The following KAT2B variants were observed in gnomAD, a reference collection of about 807,000 sequenced individuals.
The protein encoded by KAT2B is lysine acetyltransferase 2B, also known as histone acetyltransferase KAT2B.
Under a neutral mutation model 105.9 loss-of-function variants are expected in KAT2B, and 36 were observed. The ratio of observed to expected loss-of-function variants is 0.34; its 90% CI spans 0.26 to 0.45. The LOEUF is 0.45. KAT2B is among the 20% of genes least tolerant of loss of function. KAT2B has a pLI of 1.00. For missense variants in KAT2B, 820 were observed against 1,021.6 expected, an observed-to-expected ratio of 0.80 and a Z score of 2.69; for synonymous variants, 397 against 377.9, an observed-to-expected ratio of 1.05 and a Z score of -0.59.
chr3:20,070,209 C>T (rs1476514522), intron 1 of KAT2B, among the ~76,000 whole-genome samples: 3 of 152,262 alleles, frequency 2.0e-5, no homozygotes, highest in South Asian at 4.1e-4. Context: ...ATTCCAGATT[C>T]ACATGGCCCA....
intron 5 of KAT2B, among the ~76,000 whole-genome samples, chr3:20,108,372 C>G (rs181698989): frequency 3.7e-4 from 56 of 152,310 alleles, no homozygotes; most frequent in African/African-American, 1.3e-3. Flanking sequence ...TCATCCCCAT[C>G]ATCAGTGAAA....
intron 1 of KAT2B, among the ~76,000 whole-genome samples, chr3:20,047,606 C>CTT (rs35457765): frequency 0.062 from 7,316 of 117,806 alleles, 534 homozygotes; most frequent in African/African-American, 0.14. Flanking sequence ...CCGTGAGTAC[C>CTT]TTTTTTTTTT....
chr3:20,111,770 C>T lies in KAT2B; in HGVS notation c.1026C>T (p.Ile342=), dbSNP rs759038296. Residue 342 remains isoleucine (I), a synonymous_variant, in exon 6 of 18, where the codon ATC becomes ATT. Coordinates refer to ENST00000263754, the MANE Select transcript of KAT2B (RefSeq NM_003884.5). ...DKLPLEKRTL[I]LTHFPKFLSM... is the part of the protein sequence containing the mutation. ...TGCCTCTTGAAAAACGAACTCTAAT[C>T]CTCACTCATTTCCCAAAGTAAGGGA... 6.2e-7 allele frequency: 1 copy of T among 1,612,960 alleles called. No individual in the cohort carries two copies. The highest frequency in any genetic ancestry group is 1.1e-5 in the South Asian group (1 of 90,888).
intron 2 of KAT2B, among the ~76,000 whole-genome samples, chr3:20,081,878 C>G (rs1575122208): frequency 7.1e-6 from 1 of 140,504 alleles, no homozygotes; most frequent in African/African-American, 2.8e-5. Context: ...GTCATTGGCT[C>G]ATATATATAT....
In KAT2B at chr3:20,144,886, C is replaced by T. The variant is rs186073621; in HGVS notation, c.2005-1430C>T. Reference sequence around the variant, plus strand: ...CCTTGGTTCACTGCAACCTCCACCTCCCAGGTTCAAGCAATTCTCCTGTCC... The same window carrying T: ...CCTTGGTTCACTGCAACCTCCACCTTCCAGGTTCAAGCAATTCTCCTGTCC... On this transcript the variant is annotated intron_variant, in intron 13 of 17. Coordinates refer to ENST00000263754, the MANE Select transcript of KAT2B (RefSeq NM_003884.5). 3.2e-3 allele frequency among the ~76,000 whole-genome samples: 489 copies of T among 152,144 alleles called. 3 individuals are homozygous for T. Among genetic ancestry groups the T allele is most frequent in the Admixed American group, 6.1e-3 (93 of 15,286 alleles).
intron 5 of KAT2B, among the ~76,000 whole-genome samples, chr3:20,104,158 A>G (rs550814943): frequency 1.4e-4 from 22 of 152,312 alleles, no homozygotes; most frequent in Admixed American, 1.4e-3. Flanking sequence ...AAAAACAGCA[A>G]AAGAGTCCTT....
intron 13 of KAT2B, among the ~76,000 whole-genome samples, chr3:20,143,797 T>TG (rs1699735244): frequency 6.6e-6 from 1 of 152,130 alleles, no homozygotes; most frequent in African/African-American, 2.4e-5. Flanking sequence ...AACAAAATAC[T>TG]GCATGTTTTC....
chr3:20,101,409 T>G lies in KAT2B; in HGVS notation c.792T>G (p.Ser264=). 2 of 1,614,124 alleles carry G rather than the reference T, an allele frequency of 1.2e-6. No homozygotes were observed. The highest frequency in any genetic ancestry group is 8.5e-7 in the Non-Finnish European group (1 of 1,179,968). Reference sequence around the variant, plus strand: ...ACTATTGGCATCTGGAGGCACCATCTCAACGAAGACTGCGATCTCCCAATG... The same window carrying G: ...ACTATTGGCATCTGGAGGCACCATCGCAACGAAGACTGCGATCTCCCAATG... The part of the protein sequence containing the change: ...RINYWHLEAP[S]QRRLRSPNDD... The change falls in exon 5 of 18, where the codon TCT becomes TCG. Residue 264 remains serine, a synonymous_variant. Transcript: ENST00000263754.
intron 11 of KAT2B, among the ~76,000 whole-genome samples, chr3:20,136,188 G>A (rs1029130991): frequency 2.0e-5 from 3 of 152,136 alleles, no homozygotes; most frequent in Non-Finnish European, 4.4e-5. Context: ...ATTTGGGTCT[G>A]GACACTTGGA....
intron 1 of KAT2B, among the ~76,000 whole-genome samples, chr3:20,049,700 C>T (rs1697880974): frequency 6.6e-6 from 1 of 152,106 alleles, no homozygotes; most frequent in Admixed American, 6.6e-5. Flanking sequence ...CCTGTGCAGG[C>T]CATAAAGTAA....
At chr3:20,144,366 G>C (rs1699748428) in intron 13 of KAT2B, among the ~76,000 whole-genome samples, 1 of 134,586 alleles carries the variant, frequency 7.4e-6, no homozygotes, top group Non-Finnish European at 1.5e-5. Flanking sequence ...TTGGCTCACT[G>C]CAAGCTCTGC....
intron 1 of KAT2B, among the ~76,000 whole-genome samples, chr3:20,068,393 G>C (rs1353885786): frequency 6.7e-6 from 1 of 149,884 alleles, no homozygotes; most frequent in Non-Finnish European, 1.5e-5. Flanking sequence ...TTGCCTTTGC[G>C]CTAGCTGTGT....
chr3:20,064,846 G>A (rs1241038541), intron 1 of KAT2B, among the ~76,000 whole-genome samples: 2 of 152,174 alleles, frequency 1.3e-5, no homozygotes, highest in Non-Finnish European at 2.9e-5. Flanking sequence ...ACTAATTTAA[G>A]TTTTCCAACA....
chr3:20,060,295 A>G (rs1450901008), intron 1 of KAT2B, among the ~76,000 whole-genome samples: 1 of 152,156 alleles, frequency 6.6e-6, no homozygotes, highest in Non-Finnish European at 1.5e-5. Flanking sequence ...TTTTTGAAAA[A>G]ATTGTTGTTT....
intron 3 of KAT2B, among the ~76,000 whole-genome samples, chr3:20,097,066 G>A (rs1405892957): frequency 6.6e-6 from 1 of 152,152 alleles, no homozygotes; most frequent in Non-Finnish European, 1.5e-5. Context: ...GTGACAACTT[G>A]TTGACATGGC....
chr3:20,122,586 C>A, intron 8 of KAT2B, 82 bp from the exon 9 acceptor site: 3 of 1,107,838 alleles, frequency 2.7e-6, no homozygotes, highest in Admixed American at 2.1e-5. Flanking sequence ...CCCATCAATG[C>A]TGTTAGAAAA....
chr3:20,100,524 C>A (rs976432696), intron 4 of KAT2B, among the ~76,000 whole-genome samples: 17 of 151,986 alleles, frequency 1.1e-4, no homozygotes, highest in African/African-American at 4.1e-4. Context: ...CTTTTTTAGC[C>A]TTTGATTGTT....
chr3:20,067,176 C>G (rs915601010), intron 1 of KAT2B, among the ~76,000 whole-genome samples: 3 of 152,126 alleles, frequency 2.0e-5, no homozygotes, highest in African/African-American at 7.2e-5. Flanking sequence ...GATCCCAAGA[C>G]TCAGTGGAGG....
intron 2 of KAT2B, among the ~76,000 whole-genome samples, chr3:20,084,429 C>G (rs1016454384): frequency 6.6e-6 from 1 of 152,078 alleles, no homozygotes; most frequent in Non-Finnish European, 1.5e-5. Flanking sequence ...AGTTACTCAC[C>G]CTTTGTACAG....
Sources: gnomAD v4.1 joint callset for allele counts (sites outside exome capture counted in the v4.1 genomes callset) on GRCh38, gnomAD v4.1.1 for gene constraint, MANE v1.5 for transcripts, NCBI Gene and HGNC (gene_info 2026-07-23, HGNC 2026-07-21) for gene names.